The following NUP214 variants were observed in gnomAD, a reference collection of about 807,000 sequenced individuals.
NUP214 encodes nuclear pore complex protein Nup214.
Under a neutral mutation model 196.2 loss-of-function variants are expected in NUP214, and 79 were observed. The ratio of observed to expected loss-of-function variants is 0.40; its 90% confidence interval spans 0.34 to 0.49. NUP214 has a LOEUF of 0.49. Among genes scored for constraint, NUP214 ranks in the 20% least tolerant of loss-of-function variants. NUP214 has a pLI of 0.58. For synonymous variants in NUP214, 1,020 were observed against 990.5 expected (o/e 1.03, Z -0.56); for missense variants, 2,468 against 2,539.0 (o/e 0.97, Z 0.60).
At position 131,125,588 on chromosome 9, in the gene NUP214, G is replaced by C; in HGVS notation, c.-117G>C. ...TCACCAAAGCGCGCCGGAAATGCGAGGTCAACTGCGCGCCGCTGGCGCTGA... is the reference window on the plus strand; with the variant it reads ...TCACCAAAGCGCGCCGGAAATGCGACGTCAACTGCGCGCCGCTGGCGCTGA... On this transcript the variant is annotated 5_prime_UTR_variant, in exon 1 of 36. Coordinates refer to ENST00000359428, the MANE Select transcript of NUP214 (RefSeq NM_005085.4). The surrounding 1 kb of genome is among the most constrained non-coding windows in gnomAD (Gnocchi z 4.1). 1 of 1,547,382 alleles carries C rather than the reference G, an allele frequency of 6.5e-7. No individual in the cohort carries two copies.
At chr9:131,194,900 A>G (rs1833731879) in intron 27 of NUP214, among the ~76,000 whole-genome samples, 1 of 152,176 alleles carries the variant, frequency 6.6e-6, no homozygotes, top group Admixed American at 6.6e-5. Flanking sequence ...CCATTCCCAC[A>G]TGCACATTTG....
intron 11 of NUP214, among the ~76,000 whole-genome samples, chr9:131,141,138 CAA>C (rs5900924): frequency 2.3e-5 from 3 of 132,642 alleles, no homozygotes. Flanking sequence ...AATACATCAC[CAA>C]AAAAAAAAAA....
chr9:131,201,810 A>G, intron 30 of NUP214, 93 bp downstream of exon 30: 1 of 1,051,834 alleles, frequency 9.5e-7, no homozygotes, highest in Non-Finnish European at 1.5e-6. Context: ...TGTATATCTA[A>G]ATCCAGCAAA....
At chr9:131,126,099 T>C (rs938914839) in intron 1 of NUP214, 1 of 302,856 alleles carries the variant, frequency 3.3e-6, no homozygotes, top group African/African-American at 2.2e-5. Flanking sequence ...GAGGAGTAAG[T>C]TGAGGCTCGG....
chr9:131,233,596 A>G lies in NUP214; in HGVS notation c.*109A>G, dbSNP rs1184951633. On this transcript the variant is annotated 3_prime_UTR_variant, in exon 36 of 36. Coordinates refer to ENST00000359428, the MANE Select transcript of NUP214 (RefSeq NM_005085.4). ...GACCGACGTTGCCATCAAAACACATACACCCAGAAAGAAACAACAGAAACC... is the reference window on the plus strand; with the variant it reads ...GACCGACGTTGCCATCAAAACACATGCACCCAGAAAGAAACAACAGAAACC... The G allele has an allele frequency of 1.7e-6, 2 of 1,192,028 alleles. No homozygotes were observed. Among genetic ancestry groups the G allele is most frequent in the South Asian group, 2.5e-5 (2 of 79,540 alleles). The allele number at this position is 1,192,028 out of a possible 1,614,324, so 73.8% of individuals were successfully genotyped here. A position where few individuals can be genotyped will look rare whatever the true frequency, so the allele number is the denominator to read the frequency against.
chr9:131,199,728 A>G (rs1833892091), intron 29 of NUP214, among the ~76,000 whole-genome samples: 1 of 152,224 alleles, frequency 6.6e-6, no homozygotes, highest in Admixed American at 6.5e-5. Context: ...ATCTTATGAA[A>G]GGTAATTCTT....
At chr9:131,188,954 A>T in intron 25 of NUP214, 99 bp from the exon 26 acceptor site, 3 of 861,158 alleles carry the variant, frequency 3.5e-6, no homozygotes, top group Non-Finnish European at 5.6e-6. Context: ...GTCCTTGCTT[A>T]TTTTAAATTA....
Position 131,197,618 on chromosome 9 carries a change from C to A in NUP214, c.4124C>A (p.Thr1375Asn), listed in dbSNP as rs779250657. 10 of 1,614,058 alleles carry A rather than the reference C, an allele frequency of 6.2e-6. No individual in the cohort carries two copies. The African/African-American group carries it at 1.3e-4, about 22-fold the overall frequency. ...GGCGTGCCCTCAGGGTTTAATTTTA[C>A]TGCCCCCCCGGTGTTAGGGAAGCAC... ...TSGVPSGFNF[T>N]APPVLGKHTE... Residue 1375 changes from threonine (T) to asparagine (N), a missense_variant, in exon 29 of 36, where the codon ACT (threonine) becomes AAT (asparagine). Coordinates refer to ENST00000359428, the MANE Select transcript of NUP214 (RefSeq NM_005085.4).
chr9:131,135,034 T>C, intron 8 of NUP214, 30 bp downstream of exon 8: 1 of 1,431,226 alleles, frequency 7.0e-7, no homozygotes, highest in Admixed American at 1.7e-5. Flanking sequence ...AGGGCATTCC[T>C]GCTCTCACTG....
intron 30 of NUP214, among the ~76,000 whole-genome samples, chr9:131,212,837 T>C (rs568712583): frequency 5.3e-5 from 8 of 152,268 alleles, no homozygotes; most frequent in African/African-American, 1.9e-4. Flanking sequence ...ATGTCTGAGA[T>C]TTGCTCCACT....
intron 7 of NUP214, chr9:131,133,816 T>G (rs968953120): frequency 4.6e-5 from 7 of 152,248 alleles, no homozygotes; most frequent in African/African-American, 1.7e-4. Context: ...ATCTTGATTT[T>G]TAAAATTATT....
chr9:131,231,254 A>C (rs1358196112), intron 34 of NUP214, among the ~76,000 whole-genome samples: 1 of 152,122 alleles, frequency 6.6e-6, no homozygotes, highest in East Asian at 1.9e-4. Context: ...GTGCAGTGGC[A>C]CAATCTCGGC....
At chr9:131,221,780 T>C (rs889289519) in intron 31 of NUP214, among the ~76,000 whole-genome samples, 2 of 152,136 alleles carry the variant, frequency 1.3e-5, no homozygotes, top group East Asian at 3.8e-4. Flanking sequence ...GGGCATATAT[T>C]CAATAAAACA....
intron 32 of NUP214, among the ~76,000 whole-genome samples, chr9:131,225,980 G>T (rs1051168491): frequency 7.9e-5 from 12 of 152,174 alleles, no homozygotes; most frequent in Non-Finnish European, 1.5e-4. Context: ...CTGCTGTCTC[G>T]CTAAAGTGTT....
Position 131,125,629 on chromosome 9 carries a change from T to G in NUP214, c.-76T>G, listed in dbSNP as rs1475050329. 5.8e-6 allele frequency: 9 copies of G among 1,538,644 alleles called. No homozygotes were observed. Among genetic ancestry groups the G allele is most frequent in the Non-Finnish European group, 7.9e-6 (9 of 1,141,480 alleles). ...CTGGCGCTGAGGGGAGGAAGTTTGC[T>G]GTCGAGCGGCCTGGGTTCCGTGGGC... is the stretch of plus-strand genomic sequence containing the variant. On this transcript the variant is annotated 5_prime_UTR_variant, in exon 1 of 36. Coordinates refer to ENST00000359428, the MANE Select transcript of NUP214 (RefSeq NM_005085.4). This position sits in a 1 kb window ranked among gnomAD's most constrained non-coding sequence, Gnocchi z 4.1.
At chr9:131,126,033 T>C in intron 1 of NUP214, 1 of 471,054 alleles carries the variant, frequency 2.1e-6, no homozygotes, top group East Asian at 4.1e-5. Context: ...GTGTTGACTG[T>C]GTGCCAGGCA....
chr9:131,144,142 C>G (rs576434267), intron 11 of NUP214, 138 bp from the exon 12 acceptor site: 2 of 689,406 alleles, frequency 2.9e-6, no homozygotes, highest in Non-Finnish European at 2.5e-6. Flanking sequence ...AACTGTGTAC[C>G]CATGTGTTCT....
Position 131,175,560 on chromosome 9 carries a change from C to T in NUP214, c.3258C>T (p.Ile1086=). The part of the protein sequence containing the change: ...KHGAPSPSHP[I]SAPQAAAAAA... The stretch of plus-strand genomic sequence containing the variant: ...GTGCACCTAGTCCTTCCCACCCCAT[C>T]TCAGCCCCGCAGGCAGCTGCCGCAG... Residue 1086 remains isoleucine, a synonymous_variant, in exon 23 of 36, where the codon ATC becomes ATT. Coordinates refer to ENST00000359428, the MANE Select transcript of NUP214 (RefSeq NM_005085.4). 6.2e-7 allele frequency: 1 copy of T among 1,614,206 alleles called. No homozygotes were observed. The highest frequency in any genetic ancestry group is 8.5e-7 in the Non-Finnish European group (1 of 1,180,030).
At chr9:131,135,135 GC>G in intron 8 of NUP214, 131 bp downstream of exon 8, 1 of 658,978 alleles carries the variant, frequency 1.5e-6, no homozygotes, top group Non-Finnish European at 2.6e-6. Context: ...CATTACCCAG[GC>G]TGGAGTGCAG....
Sources: gnomAD v4.1 joint callset for allele counts (sites outside exome capture counted in the v4.1 genomes callset) on GRCh38, gnomAD v4.1.1 for gene constraint, Gnocchi (gnomAD v3.1) non-coding constraint, MANE v1.5 for transcripts, NCBI Gene and HGNC (gene_info 2026-07-23, HGNC 2026-07-21) for gene names.